Variants in SLC30A6 observed in about 807,000 individuals in gnomAD.
The protein encoded by SLC30A6 is solute carrier family 30 member 6, also known as zinc transporter 6.
A neutral mutation model predicts 63.0 loss-of-function variants in SLC30A6; 55 were observed. The observed-to-expected ratio is 0.87, with a 90% confidence interval of 0.70 to 1.09. The LOEUF is 1.09. Among genes scored for constraint, SLC30A6 ranks in the 50% least tolerant of loss-of-function variants. The probability of loss-of-function intolerance (pLI) is 0.00; values close to 1 mark genes in which losing one functional copy is unlikely to be tolerated. For synonymous variants in SLC30A6, 224 were observed against 186.1 expected, an observed-to-expected ratio of 1.20 and a Z score of -1.66; for missense variants, 587 against 549.2, an observed-to-expected ratio of 1.07 and a Z score of -0.69.
At chr2:32,178,055 C>G (rs1291078066) in intron 4 of SLC30A6, among the ~76,000 whole-genome samples, 1 of 149,890 alleles carries the variant, frequency 6.7e-6, no homozygotes, top group East Asian at 2.0e-4. Context: ...TCATGCCATT[C>G]TCCTGCCTCA....
chr2:32,181,535 A>G (rs1408525332), intron 4 of SLC30A6, among the ~76,000 whole-genome samples: 1 of 152,210 alleles, frequency 6.6e-6, no homozygotes, highest in African/African-American at 2.4e-5. Flanking sequence ...AATCTTATCT[A>G]TAGAGTATTA....
chr2:32,203,216 A>T, intron 10 of SLC30A6: 1 of 1,096,328 alleles, frequency 9.1e-7, no homozygotes, highest in Non-Finnish European at 1.4e-6. Context: ...TTGAGTCTAT[A>T]TCCATCGTTC....
chr2:32,191,771 TC>T (rs1040130838), intron 5 of SLC30A6, among the ~76,000 whole-genome samples: 1 of 152,098 alleles, frequency 6.6e-6, no homozygotes, highest in Non-Finnish European at 1.5e-5. Context: ...ATGCCTGTAG[TC>T]CCATCTACTC....
At chr2:32,201,621 G>A (rs1286982796) in intron 10 of SLC30A6, 2 of 1,514,970 alleles carry the variant, frequency 1.3e-6, no homozygotes, top group East Asian at 4.9e-5. Flanking sequence ...ACTCCTCTGG[G>A]GGTACATTAT....
In SLC30A6 at chr2:32,222,419, C is replaced by A. The variant is rs907807005; in HGVS notation, c.*1706C>A. On this transcript the variant is annotated 3_prime_UTR_variant, in exon 14 of 14. Transcript: ENST00000282587. The stretch of plus-strand genomic sequence containing the variant: ...TTTTGTTTTTCTTTTGCAACAGTTT[C>A]TTCAGTCAACTCATTCACTTTCAAA... The A allele has an allele frequency of 1.3e-5, 2 of 152,132 alleles. No homozygotes were observed. The highest frequency in any genetic ancestry group is 2.4e-5 in the African/African-American group (1 of 41,438). The allele number at this position is 152,132 out of a possible 1,614,324, so 9.4% of individuals were successfully genotyped here.
At chr2:32,207,704 T>A (rs1180967390) in intron 12 of SLC30A6, among the ~76,000 whole-genome samples, 1 of 135,294 alleles carries the variant, frequency 7.4e-6, no homozygotes, top group Non-Finnish European at 1.6e-5. Context: ...TTTTTTTTTT[T>A]TTTTTTTTTT....
chr2:32,218,154 C>G (rs1685865227), intron 13 of SLC30A6, among the ~76,000 whole-genome samples: 1 of 152,082 alleles, frequency 6.6e-6, no homozygotes, highest in South Asian at 2.1e-4. Flanking sequence ...GGCATGGTGG[C>G]TCACGCCCGT....
At chr2:32,175,611 A>G (rs1573249286) in intron 4 of SLC30A6, among the ~76,000 whole-genome samples, 1 of 123,570 alleles carries the variant, frequency 8.1e-6, no homozygotes, top group East Asian at 2.4e-4. Flanking sequence ...TGCTTAAAGG[A>G]AAGTAATCTA....
chr2:32,219,321 T>C (rs908313380), intron 13 of SLC30A6, among the ~76,000 whole-genome samples: 3 of 146,768 alleles, frequency 2.0e-5, no homozygotes, highest in African/African-American at 7.5e-5. Context: ...CAGGCGTGAG[T>C]CACCACACCC....
In SLC30A6 at chr2:32,181,586, G is replaced by A. The variant is rs547070951; in HGVS notation, c.219-2687G>A. On this transcript the variant is annotated intron_variant, in intron 4 of 13. Transcript: ENST00000282587. ...TTTACAATTAATAATTGAAGCTTTG[G>A]CCGGGCGAGGTGGCTCACGCCTGTA... 9.5e-4 allele frequency among the ~76,000 whole-genome samples: 144 copies of A among 152,144 alleles called. 1 individual carries two copies. Among genetic ancestry groups the A allele is most frequent in the African/African-American group, 3.4e-3 (142 of 41,510 alleles).
chr2:32,193,796 C>T (rs147451403), intron 7 of SLC30A6, 93 bp from the exon 8 acceptor site: 38 of 963,804 alleles, frequency 3.9e-5, no homozygotes, highest in South Asian at 3.8e-4. Flanking sequence ...GACCACTTTA[C>T]CTTCCCACCT....
chr2:32,193,383 T>A (rs1683509351), intron 7 of SLC30A6, among the ~76,000 whole-genome samples: 1 of 152,026 alleles, frequency 6.6e-6, no homozygotes, highest in Admixed American at 6.6e-5. Flanking sequence ...AAGACCAACC[T>A]GGACAACAGA....
At chr2:32,208,506 C>A (rs1301026105) in intron 12 of SLC30A6, among the ~76,000 whole-genome samples, 2 of 152,032 alleles carry the variant, frequency 1.3e-5, no homozygotes, top group East Asian at 3.9e-4. Context: ...TCTTGAACTC[C>A]TGCTCTCAAG....
At chr2:32,194,075 G>C in intron 8 of SLC30A6, 92 bp downstream of exon 8, 1 of 1,014,204 alleles carries the variant, frequency 9.9e-7, no homozygotes, top group South Asian at 1.5e-5. Context: ...GATCAATGAA[G>C]AAGTATATTC....
In SLC30A6 at chr2:32,174,079, T is replaced by C; in HGVS notation, c.107T>C (p.Leu36Pro). 2 of 1,613,610 alleles carry C rather than the reference T, an allele frequency of 1.2e-6. No individual in the cohort carries two copies. Among genetic ancestry groups the C allele is most frequent in the South Asian group, 2.2e-5 (2 of 91,024 alleles). Reference sequence around the variant, plus strand: ...TTTTCACAGTCCTGGAAGATACTGCTCTTTGGTGTAATAAACTTGATATGT... The same window carrying C: ...TTTTCACAGTCCTGGAAGATACTGCCCTTTGGTGTAATAAACTTGATATGT... Reference protein sequence around the residue: ...AADRRSWKILLFGVINLICTG... With the variant: ...AADRRSWKILPFGVINLICTG... The change falls in exon 3 of 14, where the codon CTC (leucine) becomes CCC (proline). Residue 36 changes from leucine (L) to proline (P), a missense_variant. Coordinates refer to ENST00000282587, the MANE Select transcript of SLC30A6 (RefSeq NM_017964.5).
At chr2:32,172,342 A>G (rs1681306852) in intron 2 of SLC30A6, among the ~76,000 whole-genome samples, 1 of 151,668 alleles carries the variant, frequency 6.6e-6, no homozygotes, top group Non-Finnish European at 1.5e-5. Context: ...TCCTTATCCA[A>G]CTTAGATTCT....
chr2:32,177,434 G>T, intron 4 of SLC30A6: 1 of 215,732 alleles, frequency 4.6e-6, no homozygotes, highest in South Asian at 4.2e-5. Context: ...GGGATTACAG[G>T]CATGTACCAC....
intron 5 of SLC30A6, among the ~76,000 whole-genome samples, chr2:32,190,771 C>T (rs1034813473): frequency 7.2e-5 from 11 of 152,038 alleles, no homozygotes; most frequent in African/African-American, 2.4e-4. Flanking sequence ...ATTACAGGCC[C>T]GCACCACCAC....
chr2:32,166,006 T>C, intron 1 of SLC30A6, 103 bp downstream of exon 1: 1 of 1,535,210 alleles, frequency 6.5e-7, no homozygotes, highest in South Asian at 1.1e-5. Context: ...AGAGGAGGGG[T>C]CATTGGAGTT....
Sources: allele counts gnomAD v4.1 joint callset (sites outside exome capture counted in the v4.1 genomes callset), GRCh38; gene constraint gnomAD v4.1.1; transcripts MANE v1.5; gene names NCBI Gene and HGNC (gene_info 2026-07-23, HGNC 2026-07-21).